COL18A1: variants seen among roughly 807,000 people sequenced by gnomAD.
COL18A1 encodes the protein collagen type XVIII alpha 1 chain.
Under a neutral mutation model 168.0 loss-of-function variants are expected in COL18A1, and 133 were observed. That is an observed-to-expected ratio of 0.79 (90% CI 0.69 to 0.91). COL18A1 has a LOEUF of 0.91. Ranked by LOEUF, COL18A1 falls within the 40% of genes least tolerant of loss-of-function variation. COL18A1 has a pLI of 0.00. For missense variants in COL18A1, 2,126 were observed against 1,925.4 expected (o/e 1.10, Z -1.95); for synonymous variants, 949 against 809.0 (o/e 1.17, Z -2.94).
In COL18A1 at chr21:45,511,197, C is replaced by T. The variant is rs746082685; in HGVS notation, c.3780C>T (p.Asp1260=). The T allele has an allele frequency of 1.2e-5, 19 of 1,593,192 alleles. No individual in the cohort carries two copies. Among genetic ancestry groups the T allele is most frequent in the Middle Eastern group, 1.7e-4 (1 of 6,030 alleles). ...CCGGGGCACGCATCTTCTCCTTTGA[C>T]GGCAAGGACGTCCTGAGGCACCCCA... ...LKPGARIFSF[D]GKDVLRHPTW... is the part of the protein sequence containing the mutation. Residue 1260 remains aspartate (D), a synonymous_variant, in exon 41 of 42, where the codon GAC becomes GAT. Transcript: ENST00000651438.
chr21:45,500,557 G>T (rs2036742521), intron 32 of COL18A1, among the ~76,000 whole-genome samples: 1 of 50,336 alleles, frequency 2.0e-5, no homozygotes, highest in Non-Finnish European at 3.7e-5. Flanking sequence ...TGTGTGTTGG[G>T]TGTGTAGTGT....
In COL18A1 at chr21:45,511,040, C is replaced by A. The variant is rs550986455; in HGVS notation, c.3694-71C>A. The A allele has an allele frequency of 4.8e-5, 21 of 438,600 alleles. 1 individual carries two copies. Among genetic ancestry groups the A allele is most frequent in the African/African-American group, 4.0e-4 (9 of 22,552 alleles). 27.2% of individuals were successfully genotyped at this position (438,600 alleles called of 1,614,324 possible). A position where few individuals can be genotyped will look rare whatever the true frequency, so the allele number is the denominator to read the frequency against. On this transcript the variant is annotated intron_variant, in intron 40 of 41. Coordinates refer to ENST00000651438, the MANE Select transcript of COL18A1 (RefSeq NM_001379500.1). ...ACATCCACACCCCACATCCACACAC[C>A]CCCCCACAAACACCCACACCCATCC...
chr21:45,472,717 GCCGCTGGTGCGCTCTGTGAGGCTGAGAA>G (rs2035486458), intron 3 of COL18A1, among the ~76,000 whole-genome samples: 1 of 152,208 alleles, frequency 6.6e-6, no homozygotes, highest in Non-Finnish European at 1.5e-5. Context: ...GACGCTGAGA[GCCGCTGGTGCGCTCTGTGAGGCTGAGAA>G]CCGCTGGTGC....
At chr21:45,482,471 G>A (rs559546842) in intron 14 of COL18A1, 314 of 559,926 alleles carry the variant, frequency 5.6e-4, no homozygotes, top group East Asian at 4.6e-3. Flanking sequence ...CAGGGGACGC[G>A]GGCTGTAAAT....
intron 2 of COL18A1, among the ~76,000 whole-genome samples, chr21:45,429,405 G>A (rs994864150): frequency 1.3e-5 from 2 of 150,674 alleles, no homozygotes; most frequent in Admixed American, 6.8e-5. Context: ...TCCCTGTGAG[G>A]AAGGGGCAGT....
Position 45,512,896 on chromosome 21 carries a change from G to A in COL18A1, c.*498G>A, listed in dbSNP as rs555167805. 87 of 205,318 alleles carry A rather than the reference G, an allele frequency of 4.2e-4. No homozygotes were observed. The highest frequency in any genetic ancestry group is 1.3e-3 in the Admixed American group (24 of 18,878). The allele number at this position is 205,318 out of a possible 1,614,324, so 12.7% of individuals were successfully genotyped here. ...CTGGGCTCCTCCAGGGTGTGTGCTC[G>A]CCCTGCGGTAGATGGGAGGGAGGCT... On this transcript the variant is annotated 3_prime_UTR_variant, in exon 42 of 42. Transcript: ENST00000651438.
chr21:45,456,039 C>T, intron 2 of COL18A1: 1 of 1,608,746 alleles, frequency 6.2e-7, no homozygotes, highest in Non-Finnish European at 8.5e-7. Context: ...ACTCTCTGGC[C>T]CAGCCGTGGC....
intron 2 of COL18A1, among the ~76,000 whole-genome samples, chr21:45,462,424 A>G (rs566958749): frequency 6.6e-6 from 1 of 152,202 alleles, no homozygotes; most frequent in East Asian, 1.9e-4. Flanking sequence ...TGGTGGCCAC[A>G]AGCCCCTTAG....
chr21:45,437,262 ACACT>A lies in COL18A1; in HGVS notation c.107-30977_107-30974del, dbSNP rs1210982210. Among the ~76,000 whole-genome samples the A allele has an allele frequency of 2.0e-4, 24 of 122,182 alleles. 3 individuals carry two copies. Among genetic ancestry groups the A allele is most frequent in the East Asian group, 7.7e-4 (3 of 3,904 alleles). The allele number at this position is 122,182 out of a possible 152,430, so 80.2% of individuals were successfully genotyped here. The stretch of plus-strand genomic sequence containing the variant: ...CTCTCCTGTACACACACACACTCAC[ACACT>A]CAGACACACAGGCACTCTCCTGCAC... On this transcript the variant is annotated intron_variant, in intron 2 of 41. Coordinates refer to ENST00000651438, the MANE Select transcript of COL18A1 (RefSeq NM_001379500.1).
At chr21:45,511,676 T>A (rs531066072) in intron 41 of COL18A1, among the ~76,000 whole-genome samples, 1 of 152,138 alleles carries the variant, frequency 6.6e-6, no homozygotes, top group South Asian at 2.1e-4. Flanking sequence ...CCTCCCCACG[T>A]GAGCGCCGCG....
chr21:45,503,968 C>A, intron 32 of COL18A1, 43 bp from the exon 33 acceptor site: 1 of 1,612,216 alleles, frequency 6.2e-7, no homozygotes, highest in Non-Finnish European at 8.5e-7. Flanking sequence ...CCGGCGCTGT[C>A]AGACACCACC....
chr21:45,429,273 A>G (rs965862996), intron 2 of COL18A1, among the ~76,000 whole-genome samples: 4 of 151,940 alleles, frequency 2.6e-5, no homozygotes, highest in Non-Finnish European at 5.9e-5. Flanking sequence ...TTTCCTTTGG[A>G]AAACATTTCA....
chr21:45,481,887 C>T, intron 13 of COL18A1, 76 bp from the exon 14 acceptor site: 1 of 1,049,156 alleles, frequency 9.5e-7, no homozygotes, highest in Non-Finnish European at 1.5e-6. Context: ...TGCGGAAGCC[C>T]AGATAACCTG....
chr21:45,476,812 TGTG>T (rs1450375764), intron 6 of COL18A1, among the ~76,000 whole-genome samples: 1 of 151,480 alleles, frequency 6.6e-6, no homozygotes, highest in Admixed American at 6.6e-5. Flanking sequence ...AGTGTACGTG[TGTG>T]GTGTGCAGTG....
At chr21:45,503,366 C>T (rs2036969686) in intron 32 of COL18A1, among the ~76,000 whole-genome samples, 1 of 151,990 alleles carries the variant, frequency 6.6e-6, no homozygotes, top group East Asian at 1.9e-4. Context: ...GCATAAATGT[C>T]TTCTTTTGAG....
intron 38 of COL18A1, among the ~76,000 whole-genome samples, chr21:45,508,091 A>AGTGG (rs2037333289): frequency 8.3e-6 from 1 of 119,884 alleles, no homozygotes; most frequent in African/African-American, 3.2e-5. Context: ...CAGGTGGGTG[A>AGTGG]GTGGATGGAT....
At chr21:45,436,498 G>A (rs2034100112) in intron 2 of COL18A1, among the ~76,000 whole-genome samples, 1 of 152,206 alleles carries the variant, frequency 6.6e-6, no homozygotes, top group Non-Finnish European at 1.5e-5. Flanking sequence ...TCTGGAAGGA[G>A]AGGGCTTTCG....
intron 2 of COL18A1, chr21:45,455,386 C>G (rs975080439): frequency 2.8e-5 from 33 of 1,178,228 alleles, no homozygotes; most frequent in Non-Finnish European, 3.4e-5. Context: ...GCCTTCTTTC[C>G]TTCTGCAAGA....
At chr21:45,464,731 C>T (rs1273646300) in intron 2 of COL18A1, among the ~76,000 whole-genome samples, 1 of 152,188 alleles carries the variant, frequency 6.6e-6, no homozygotes, top group Non-Finnish European at 1.5e-5. Context: ...CTTCTTCCCC[C>T]TTCAAAGCCA....
Sources: gnomAD v4.1 joint callset for allele counts (sites outside exome capture counted in the v4.1 genomes callset) on GRCh38, gnomAD v4.1.1 for gene constraint, MANE v1.5 for transcripts, NCBI Gene and HGNC (gene_info 2026-07-23, HGNC 2026-07-21) for gene names.